The following SLC4A4 variants were observed in gnomAD, a reference collection of about 807,000 sequenced individuals.
The protein encoded by SLC4A4 is electrogenic sodium bicarbonate cotransporter 1.
SLC4A4 carries 27 observed loss-of-function variants against 111.5 expected under a neutral mutation model. The observed-to-expected ratio is 0.24, with a 90% CI of 0.18 to 0.33. The LOEUF (loss-of-function observed/expected upper bound fraction) is 0.33. SLC4A4 is among the 10% of genes least tolerant of loss of function. The probability of loss-of-function intolerance (pLI) is 1.00; values close to 1 mark genes in which losing one functional copy is unlikely to be tolerated. For missense variants in SLC4A4, 909 were observed against 1,315.5 expected, an observed-to-expected ratio of 0.69 and a Z score of 4.78; for synonymous variants, 443 against 463.4, an observed-to-expected ratio of 0.96 and a Z score of 0.57.
At chr4:71,369,751 C>T (rs1360295040) in intron 6 of SLC4A4, among the ~76,000 whole-genome samples, 1 of 152,174 alleles carries the variant, frequency 6.6e-6, no homozygotes, top group African/African-American at 2.4e-5. Context: ...CAGGAAGCTA[C>T]ATGCACTTTC....
intron 7 of SLC4A4, among the ~76,000 whole-genome samples, chr4:71,409,102 A>G (rs1460749254): frequency 1.3e-5 from 2 of 152,198 alleles, no homozygotes; most frequent in Non-Finnish European, 2.9e-5. Context: ...TGTAAGTTCA[A>G]TTAAATCTCA....
intron 2 of SLC4A4, among the ~76,000 whole-genome samples, chr4:71,180,416 C>A (rs1407478070): frequency 6.6e-6 from 1 of 152,164 alleles, no homozygotes; most frequent in Admixed American, 6.5e-5. Flanking sequence ...GAACAAGCAA[C>A]CTACAGAATG....
chr4:71,472,890 C>T lies in SLC4A4; in HGVS notation c.1823C>T (p.Ala608Val), dbSNP rs1374100224. 3 of 1,612,670 alleles carry T rather than the reference C, an allele frequency of 1.9e-6. No homozygotes were observed. The highest frequency in any genetic ancestry group is 2.7e-5 in the African/African-American group (2 of 74,772). ...GCTTTCAAGAAGATGATCAAGCTTG[C>T]AGATTACTACCCCATCAACTCCAAC... Reference protein sequence around the residue: ...YDAFKKMIKLADYYPINSNFK... With the variant: ...YDAFKKMIKLVDYYPINSNFK... Residue 608 changes from alanine to valine, a missense_variant, in exon 14 of 26, where the codon GCA becomes GTA. By Grantham distance (64) the Ala-to-Val change is moderately conservative (BLOSUM62 0). Transcript: ENST00000264485.
At chr4:71,341,117 T>C (rs566513529) in intron 4 of SLC4A4, among the ~76,000 whole-genome samples, 2 of 152,290 alleles carry the variant, frequency 1.3e-5, no homozygotes, top group Non-Finnish European at 2.9e-5. Flanking sequence ...AAACCTCTTA[T>C]AGTCTGTAAT....
intron 3 of SLC4A4, chr4:71,339,148 G>A: frequency 6.2e-7 from 1 of 1,612,650 alleles, no homozygotes; most frequent in Non-Finnish European, 8.5e-7. Flanking sequence ...CTTCTGGAGA[G>A]TGGTGGAGAA....
intron 12 of SLC4A4, among the ~76,000 whole-genome samples, chr4:71,464,860 G>A (rs1437691342): frequency 6.6e-6 from 1 of 152,098 alleles, no homozygotes; most frequent in African/African-American, 2.4e-5. Context: ...TGTAATAATG[G>A]TCTCCTAAGC....
chr4:71,473,216 T>A, intron 14 of SLC4A4: 1 of 639,086 alleles, frequency 1.6e-6, no homozygotes, highest in Non-Finnish European at 2.8e-6. Flanking sequence ...TGAAATTAAC[T>A]CAAACTGTGG....
intron 7 of SLC4A4, among the ~76,000 whole-genome samples, chr4:71,438,208 A>G (rs1577902886): frequency 6.6e-6 from 1 of 152,236 alleles, no homozygotes; most frequent in African/African-American, 2.4e-5. Flanking sequence ...TCAAAGTGCC[A>G]TATTTTGTTG....
intron 15 of SLC4A4, among the ~76,000 whole-genome samples, chr4:71,488,104 A>G (rs970646770): frequency 1.3e-5 from 2 of 150,412 alleles, no homozygotes; most frequent in Non-Finnish European, 3.0e-5. Context: ...TTTTATTCAA[A>G]ATTCTTATAG....
chr4:71,525,476 G>C (rs1221461285), intron 16 of SLC4A4, among the ~76,000 whole-genome samples: 1 of 152,012 alleles, frequency 6.6e-6, no homozygotes, highest in Admixed American at 6.6e-5. Context: ...GCACATCCAT[G>C]TATCATTTTT....
At chr4:71,337,147 A>C (rs531570449) in intron 3 of SLC4A4, among the ~76,000 whole-genome samples, 78 of 152,326 alleles carry the variant, frequency 5.1e-4, no homozygotes, top group African/African-American at 1.9e-3. Flanking sequence ...TATGGACTGA[A>C]GAGCTAGCTG....
At chr4:71,214,007 G>A (rs560276663) in intron 1 of SLC4A4, among the ~76,000 whole-genome samples, 10 of 152,270 alleles carry the variant, frequency 6.6e-5, no homozygotes, top group South Asian at 4.1e-4. Context: ...TACACCCTAC[G>A]TAGGCTGCTC....
At chr4:71,341,223 G>C (rs1447650855) in intron 4 of SLC4A4, among the ~76,000 whole-genome samples, 1 of 152,168 alleles carries the variant, frequency 6.6e-6, no homozygotes, top group African/African-American at 2.4e-5. Flanking sequence ...GTGAGCAAAT[G>C]AGGATCTTAC....
chr4:71,375,695 A>G (rs1322222317), intron 6 of SLC4A4, among the ~76,000 whole-genome samples: 1 of 152,166 alleles, frequency 6.6e-6, no homozygotes, highest in Non-Finnish European at 1.5e-5. Context: ...TCATTTAGGT[A>G]TCCTTTATTG....
At chr4:71,147,878 C>T (rs1208203837) in intron 2 of SLC4A4, among the ~76,000 whole-genome samples, 4 of 151,978 alleles carry the variant, frequency 2.6e-5, no homozygotes, top group South Asian at 2.1e-4. Flanking sequence ...CCTGGTTGTC[C>T]CGAGGGAGGA....
At chr4:71,392,454 T>C (rs1457742689) in intron 6 of SLC4A4, among the ~76,000 whole-genome samples, 3 of 152,072 alleles carry the variant, frequency 2.0e-5, no homozygotes. Context: ...TAGATACTGT[T>C]AAGATAACTG....
At chr4:71,456,151 A>G (rs1726246529) in intron 12 of SLC4A4, among the ~76,000 whole-genome samples, 1 of 152,154 alleles carries the variant, frequency 6.6e-6, no homozygotes, top group Non-Finnish European at 1.5e-5. Flanking sequence ...TTATTAATAG[A>G]TTTTTTAACC....
Position 71,297,286 on chromosome 4 carries a change from G to A in SLC4A4, c.253+41887G>A, listed in dbSNP as rs181738701. ...CACCAGGATCATGGTATGAGTTTGC[G>A]TCTCCAGGTAGACACTCTGAGCTTC... On this transcript the variant is annotated intron_variant, in intron 3 of 25. Coordinates refer to ENST00000264485, the MANE Select transcript of SLC4A4 (RefSeq NM_001098484.3). Among the ~76,000 whole-genome samples the A allele has an allele frequency of 3.9e-5, 6 of 152,246 alleles. No homozygotes were observed. In the East Asian group the frequency reaches 7.7e-4, roughly 20 times the overall value.
At chr4:71,238,819 G>A (rs1719982780) in intron 2 of SLC4A4, among the ~76,000 whole-genome samples, 1 of 152,088 alleles carries the variant, frequency 6.6e-6, no homozygotes, top group African/African-American at 2.4e-5. Flanking sequence ...TTTATTGGTG[G>A]GGGTGGGAGG....
Sources: allele counts gnomAD v4.1 joint callset (sites outside exome capture counted in the v4.1 genomes callset), GRCh38; gene constraint gnomAD v4.1.1; transcripts MANE v1.5; gene names NCBI Gene and HGNC (gene_info 2026-07-23, HGNC 2026-07-21).